The following PCGF3 variants were observed in gnomAD, a reference collection of about 807,000 sequenced individuals.
PCGF3 encodes the protein polycomb group RING finger protein 3.
Under a neutral mutation model 33.1 loss-of-function variants are expected in PCGF3, and 7 were observed. The ratio of observed to expected loss-of-function variants is 0.21; its 90% CI spans 0.12 to 0.40. The LOEUF is 0.40. Ranked by LOEUF, PCGF3 falls within the 10% of genes least tolerant of loss-of-function variation. The pLI is 1.00. For missense variants in PCGF3, 211 were observed against 313.3 expected, an observed-to-expected ratio of 0.67 and a Z score of 2.46; for synonymous variants, 153 against 121.3, an observed-to-expected ratio of 1.26 and a Z score of -1.72.
At chr4:765,536 C>T (rs1246881316) in intron 10 of PCGF3, among the ~76,000 whole-genome samples, 1 of 152,220 alleles carries the variant, frequency 6.6e-6, no homozygotes, top group Non-Finnish European at 1.5e-5. Context: ...AAGGTGCCAG[C>T]TGAGCTGCGA....
chr4:713,419 C>A (rs910019002), intron 1 of PCGF3, among the ~76,000 whole-genome samples: 7 of 121,728 alleles, frequency 5.8e-5, no homozygotes, highest in African/African-American at 2.2e-4. Context: ...GCTGTGGCCT[C>A]GTGGGGGCTG....
intron 10 of PCGF3, 29 bp downstream of exon 10, chr4:765,093 C>T (rs755485398): frequency 2.7e-6 from 4 of 1,476,946 alleles, no homozygotes; most frequent in Middle Eastern, 1.7e-4. Flanking sequence ...TTTTCAGAGT[C>T]TGCTCTGAAT....
chr4:718,083 C>T (rs1742930887), intron 1 of PCGF3, among the ~76,000 whole-genome samples: 1 of 152,138 alleles, frequency 6.6e-6, no homozygotes, highest in African/African-American at 2.4e-5. Context: ...GCAGGTGGCT[C>T]AGAGGTGTCT....
At chr4:712,143 A>G (rs1214781717) in intron 1 of PCGF3, among the ~76,000 whole-genome samples, 2 of 152,202 alleles carry the variant, frequency 1.3e-5, no homozygotes, top group African/African-American at 2.4e-5. Context: ...AATTTCATAC[A>G]TTGATAGTTT....
intron 9 of PCGF3, chr4:761,755 G>T: frequency 1.0e-6 from 1 of 985,410 alleles, no homozygotes; most frequent in Non-Finnish European, 1.2e-6. Context: ...ATGCAGAGAG[G>T]GAGGACCCTT....
intron 1 of PCGF3, among the ~76,000 whole-genome samples, chr4:726,140 T>C (rs952287639): frequency 6.6e-6 from 1 of 152,262 alleles, no homozygotes; most frequent in African/African-American, 2.4e-5. Context: ...TGTGTGGCGC[T>C]GCGGCCGTGG....
exon 11 of PCGF3, chr4:769,038 G>A (rs1031537480): frequency 2.6e-5 from 4 of 152,658 alleles, no homozygotes; most frequent in African/African-American, 9.7e-5. Flanking sequence ...TTATTATTGT[G>A]AGAATGCTGT....
chr4:757,755 T>C (rs1209807814), intron 8 of PCGF3: 1 of 152,248 alleles, frequency 6.6e-6, no homozygotes, highest in African/African-American at 2.4e-5. Context: ...TTCCTCCCTG[T>C]TGTCTAGTGA....
At chr4:734,691 T>G (rs986168303) in intron 4 of PCGF3, 3 of 1,325,900 alleles carry the variant, frequency 2.3e-6, no homozygotes, top group Non-Finnish European at 2.9e-6. Flanking sequence ...TTTTTCCCAC[T>G]TAATTCCTAA....
exon 11 of PCGF3, chr4:769,095 C>G (rs556210998): frequency 2.6e-5 from 4 of 152,676 alleles, no homozygotes; most frequent in Admixed American, 6.5e-5. Context: ...TGCCTCGGGC[C>G]ACGCTGTGGG....
At chr4:767,431 C>A (rs1265849916) in exon 11 of PCGF3, 2 of 152,214 alleles carry the variant, frequency 1.3e-5, no homozygotes, top group Admixed American at 6.5e-5. Flanking sequence ...GTCTTCTCCA[C>A]CGGGCTGTTC....
chr4:715,895 G>A (rs1394080049), intron 1 of PCGF3, among the ~76,000 whole-genome samples: 3 of 124,292 alleles, frequency 2.4e-5, no homozygotes, highest in Admixed American at 7.9e-5. Context: ...TGTGGACACT[G>A]AGGGTGAGAA....
At chr4:764,797 C>G (rs1010580092) in intron 9 of PCGF3, 187 bp from the exon 10 acceptor site, 1 of 570,716 alleles carries the variant, frequency 1.8e-6, no homozygotes, top group Non-Finnish European at 3.2e-6. Context: ...GAGGTAGGGA[C>G]CACACTCCAT....
chr4:753,107 G>A (rs1744599431), intron 8 of PCGF3, among the ~76,000 whole-genome samples: 2 of 152,368 alleles, frequency 1.3e-5, no homozygotes, highest in South Asian at 4.1e-4. Context: ...GGTGGCCCAG[G>A]AGAGGGCATG....
intron 9 of PCGF3, 110 bp from the exon 10 acceptor site, chr4:764,874 G>A (rs555411478): frequency 6.6e-4 from 471 of 708,372 alleles, no homozygotes; most frequent in East Asian, 2.9e-3. Context: ...CTCTAGGCAC[G>A]TTCTTGCATG....
At chr4:717,588 C>G (rs973176943) in intron 1 of PCGF3, among the ~76,000 whole-genome samples, 5 of 152,184 alleles carry the variant, frequency 3.3e-5, no homozygotes, top group African/African-American at 9.7e-5. Flanking sequence ...CTGTATTGGC[C>G]AAGCTGCTCT....
At chr4:744,262 C>T (rs919292291) in intron 7 of PCGF3, among the ~76,000 whole-genome samples, 2 of 152,230 alleles carry the variant, frequency 1.3e-5, no homozygotes, top group African/African-American at 4.8e-5. Flanking sequence ...GCTTTCAGAT[C>T]GAGGGGCTGA....
At chr4:761,700 AC>A (rs1745068804) in intron 9 of PCGF3, 2 of 985,294 alleles carry the variant, frequency 2.0e-6, no homozygotes, top group Non-Finnish European at 2.4e-6. Flanking sequence ...TTTCCTCAAA[AC>A]GAGAAATTCT....
chr4:761,166 C>G, intron 8 of PCGF3, 113 bp from the exon 9 acceptor site: 1 of 765,744 alleles, frequency 1.3e-6, no homozygotes, highest in East Asian at 3.2e-5. Flanking sequence ...TGTCTGATCT[C>G]AAAAAGGTCA....
Sources: gnomAD v4.1 joint callset for allele counts (sites outside exome capture counted in the v4.1 genomes callset) on GRCh38, gnomAD v4.1.1 for gene constraint, MANE v1.5 for transcripts, NCBI Gene and HGNC (gene_info 2026-07-23, HGNC 2026-07-21) for gene names.